TRIM65: variants seen among roughly 807,000 people sequenced by gnomAD.
TRIM65 encodes the protein E3 ubiquitin-protein ligase TRIM65.
A neutral mutation model predicts 36.1 loss-of-function variants in TRIM65; 46 were observed. The ratio of observed to expected loss-of-function variants is 1.27; its 90% CI spans 1.01 to 1.63. TRIM65 has a LOEUF of 1.63. TRIM65 is among the 40% of genes most tolerant of loss of function. The probability of loss-of-function intolerance (pLI) is 0.00; values close to 1 mark genes in which losing one functional copy is unlikely to be tolerated. For missense variants in TRIM65, 708 were observed against 696.6 expected, an observed-to-expected ratio of 1.02 and a Z score of -0.18; for synonymous variants, 346 against 313.6, an observed-to-expected ratio of 1.10 and a Z score of -1.09.
At position 75,892,074 on chromosome 17, in the gene TRIM65, G is replaced by A; in HGVS notation, c.856C>T (p.Leu286Phe). ...GGGTGGCTCCCCTCTTCCAAGAGGA[G>A]GCCACACAGCCGGCTTAGCAACTGC... ...LKQLLSRLCG[L>F]LLEEGSHPGA... Residue 286 changes from leucine to phenylalanine, a missense_variant, in exon 4 of 6, where the codon CTC becomes TTC. Transcript: ENST00000269383. 6.4e-7 allele frequency: 1 copy of A among 1,552,134 alleles called. No homozygotes were observed. The highest frequency in any genetic ancestry group is 8.7e-7 in the Non-Finnish European group (1 of 1,147,270).
At position 75,896,563 on chromosome 17, in the gene TRIM65, G is replaced by A. The variant is rs1427410511; in HGVS notation, c.375C>T (p.His125=). 7.3e-7 allele frequency: 1 copy of A among 1,361,290 alleles called. No individual in the cohort carries two copies. Among genetic ancestry groups the A allele is most frequent in the East Asian group, 3.1e-5 (1 of 32,366 alleles). 84.3% of individuals were successfully genotyped at this position (1,361,290 alleles called of 1,614,324 possible). A position where few individuals can be genotyped will look rare whatever the true frequency, so the allele number is the denominator to read the frequency against. Residue 125 remains histidine (H), a synonymous_variant, in exon 1 of 6, where the codon CAC becomes CAT. Transcript: ENST00000269383. Reference sequence around the variant, plus strand: ...GCTCGGCATCCAGCAGCGCCCGCTCGTGGAGGCGACACTCGCGCACGGTGC... The same window carrying A: ...GCTCGGCATCCAGCAGCGCCCGCTCATGGAGGCGACACTCGCGCACGGTGC... ...SVCTVRECRL[H]ERALLDAERL... is the part of the protein sequence containing the mutation.
chr17:75,884,894 G>T (rs534038951), downstream of TRIM65, among the ~76,000 whole-genome samples: 1 of 151,442 alleles, frequency 6.6e-6, no homozygotes, highest in African/African-American at 2.4e-5. Flanking sequence ...GCCTCCCAAA[G>T]TGTTGGGATT....
intron 1 of TRIM65, among the ~76,000 whole-genome samples, chr17:75,893,205 G>A (rs558393147): frequency 3.9e-5 from 6 of 152,334 alleles, no homozygotes; most frequent in South Asian, 2.1e-4. Context: ...ACAGGAAAGC[G>A]ATAATGCTGG....
Position 75,896,683 on chromosome 17 carries a change from G to T in TRIM65, c.255C>A (p.Pro85=). 7.7e-7 allele frequency: 1 copy of T among 1,293,404 alleles called. No individual in the cohort carries two copies. Among genetic ancestry groups the T allele is most frequent in the Non-Finnish European group, 9.7e-7 (1 of 1,026,838 alleles). 80.1% of individuals were successfully genotyped at this position (1,293,404 alleles called of 1,614,324 possible). The change falls in exon 1 of 6, where the codon CCC becomes CCA. Residue 85 remains proline (P), a synonymous_variant. Coordinates refer to ENST00000269383, the MANE Select transcript of TRIM65 (RefSeq NM_173547.4). Reference sequence around the variant, plus strand: ...GCGCGGCAGGGTCGGGGCCGGGGCCGGGATCGGGGCCGGGATCCCGGGCGG... The same window carrying T: ...GCGCGGCAGGGTCGGGGCCGGGGCCTGGATCGGGGCCGGGATCCCGGGCGG... ...AGPARDPGPD[P]GPGPDPAARC...
intron 1 of TRIM65, among the ~76,000 whole-genome samples, chr17:75,893,737 C>T (rs2092187414): frequency 6.6e-6 from 1 of 152,136 alleles, no homozygotes; most frequent in Admixed American, 6.5e-5. Flanking sequence ...CACACAGGAA[C>T]ACAGGAGGCC....
At chr17:75,884,533 G>A (rs1256823363), downstream of TRIM65, among the ~76,000 whole-genome samples, 1 of 152,164 alleles carries the variant, frequency 6.6e-6, no homozygotes, top group Non-Finnish European at 1.5e-5. Context: ...ACTCCCCATG[G>A]ACAACCAATC....
chr17:75,890,645 C>T lies in TRIM65; in HGVS notation c.*134G>A. The stretch of plus-strand genomic sequence containing the variant: ...TGAACTCTGCGTTTATGCTCACCTC[C>T]CCCAACCTCCCATCTCTTTCTGAGT... On this transcript the variant is annotated 3_prime_UTR_variant, in exon 6 of 6. Coordinates refer to ENST00000269383, the MANE Select transcript of TRIM65 (RefSeq NM_173547.4). 2 of 745,314 alleles carry T rather than the reference C, an allele frequency of 2.7e-6. No individual in the cohort carries two copies. The highest frequency in any genetic ancestry group is 4.1e-6 in the Non-Finnish European group (2 of 487,662). The allele number at this position is 745,314 out of a possible 1,614,324, so 46.2% of individuals were successfully genotyped here. A position where few individuals can be genotyped will look rare whatever the true frequency, so the allele number is the denominator to read the frequency against.
At chr17:75,884,156 G>T (rs989758509), downstream of TRIM65, among the ~76,000 whole-genome samples, 1 of 151,276 alleles carries the variant, frequency 6.6e-6, no homozygotes, top group African/African-American at 2.4e-5. Flanking sequence ...TAAATAAATA[G>T]ATAGATAGTA....
chr17:75,892,299 G>A lies in TRIM65; in HGVS notation c.712C>T (p.Leu238=). 1 of 1,612,582 alleles carries A rather than the reference G, an allele frequency of 6.2e-7. No homozygotes were observed. Among genetic ancestry groups the A allele is most frequent in the Non-Finnish European group, 8.5e-7 (1 of 1,179,826 alleles). Residue 238 remains leucine (L), a synonymous_variant, in exon 3 of 6, where the codon CTG becomes TTG. Transcript: ENST00000269383. ...ARHGCRIREL[L]EQVDEQTFLQ... is the part of the protein sequence containing the mutation. ...AAGGTCTGCTCATCCACCTGCTCCA[G>A]GAGCTCCCGGATCCTGCAGCCATGG...
Position 75,896,838 on chromosome 17 carries a change from C to A in TRIM65, c.100G>T (p.Ala34Ser). The A allele has an allele frequency of 6.5e-7, 1 of 1,527,280 alleles. No homozygotes were observed. The highest frequency in any genetic ancestry group is 1.2e-5 in the South Asian group (1 of 82,360). 94.6% of individuals were successfully genotyped at this position (1,527,280 alleles called of 1,614,324 possible). ...CGGTCCCACCAGTCCCGGATGCAGG[C>A]CCCGCAGAAGTTGTGGCCGCAGGGC... ...TLPCGHNFCG[A>S]CIRDWWDRCG... Residue 34 changes from alanine (A) to serine (S), a missense_variant, in exon 1 of 6, where the codon GCC (alanine) becomes TCC (serine). Physicochemically the swap from Ala to Ser is moderately conservative, Grantham distance 99 (BLOSUM62 1). Coordinates refer to ENST00000269383, the MANE Select transcript of TRIM65 (RefSeq NM_173547.4).
At chr17:75,880,984 G>T (rs1033827478) in intron 4 of TRIM65, among the ~76,000 whole-genome samples, 1 of 150,324 alleles carries the variant, frequency 6.7e-6, no homozygotes, top group East Asian at 1.9e-4. Context: ...GGTGGCTCAC[G>T]CCTGGAATCC....
At position 75,890,755 on chromosome 17, in the gene TRIM65, C is replaced by A. The variant is rs76511039; in HGVS notation, c.*24G>T. ...GCACATAGGCATGGTGGCAGCTATG[C>A]CAGGGCTCCATCCCATGCCTTCTTC... On this transcript the variant is annotated 3_prime_UTR_variant, in exon 6 of 6. Coordinates refer to ENST00000269383, the MANE Select transcript of TRIM65 (RefSeq NM_173547.4). The A allele has an allele frequency of 2.0e-4, 281 of 1,438,332 alleles. 1 individual carries two copies. In the African/African-American group the frequency reaches 3.9e-3, roughly 20 times the overall value. 89.1% of individuals were successfully genotyped at this position (1,438,332 alleles called of 1,614,324 possible). A position where few individuals can be genotyped will look rare whatever the true frequency, so the allele number is the denominator to read the frequency against.
rs2065234830 is a variant in TRIM65 at position 75,889,185 on chromosome 17, A to G, written c.*1594T>C. ...ATTCTTCTGCCTCAGCCTCCCCAGT[A>G]GCTGGGATTACAGGCGCACACCACC... On this transcript the variant is annotated 3_prime_UTR_variant, in exon 6 of 6. Coordinates refer to ENST00000269383, the MANE Select transcript of TRIM65 (RefSeq NM_173547.4). 6.6e-6 allele frequency: 1 copy of G among 150,542 alleles called. No individual in the cohort carries two copies. Among genetic ancestry groups the G allele is most frequent in the African/African-American group, 2.5e-5 (1 of 40,130 alleles). 9.3% of individuals were successfully genotyped at this position (150,542 alleles called of 1,614,324 possible). A position where few individuals can be genotyped will look rare whatever the true frequency, so the allele number is the denominator to read the frequency against.
Position 75,892,253 on chromosome 17 carries a change from C to T in TRIM65, c.744+14G>A. On this transcript the variant is annotated intron_variant, in intron 3 of 5. Transcript: ENST00000269383. ...GGGAAGCAAGTCCGCCACCTATGCC[C>T]TGAGCCCTCGCACCTGCAGGAAGGT... is the stretch of plus-strand genomic sequence containing the variant. 1 of 1,606,620 alleles carries T rather than the reference C, an allele frequency of 6.2e-7. No individual in the cohort carries two copies. Among genetic ancestry groups the T allele is most frequent in the Non-Finnish European group, 8.5e-7 (1 of 1,176,454 alleles).
chr17:75,892,120 G>C lies in TRIM65; in HGVS notation c.810C>G (p.Asp270Glu). The C allele has an allele frequency of 6.4e-7, 1 of 1,562,382 alleles. No individual in the cohort carries two copies. The highest frequency in any genetic ancestry group is 8.7e-7 in the Non-Finnish European group (1 of 1,152,950). The change falls in exon 4 of 6, where the codon GAC becomes GAG. Residue 270 changes from aspartate to glutamate, a missense_variant. Transcript: ENST00000269383. ...ACTGCTTCAGGTCACCCAGCTGTTG[G>C]TCTTCATCCCACTGCAGAGGGGTCA... ...GPLTPLQWDEDQQLGDLKQLL... is the reference protein window; with the variant it reads ...GPLTPLQWDEEQQLGDLKQLL...
intron 1 of TRIM65, 106 bp downstream of exon 1, chr17:75,896,418 C>T (rs967825743): frequency 8.2e-7 from 1 of 1,220,248 alleles, no homozygotes; most frequent in Non-Finnish European, 1.0e-6. Context: ...AGGCTCCCCG[C>T]CCCCGCCGGG....
chr17:75,892,191 C>A lies in TRIM65; in HGVS notation c.745-6G>T. ...GGCTGGAGGAGCTGCGATTCCTGAG[C>A]CCCAGGGAGAACAAGTAAGCCTGGG... is the stretch of plus-strand genomic sequence containing the variant. On this transcript the variant is annotated splice_polypyrimidine_tract_variant and splice_region_variant and intron_variant, in intron 3 of 5. Coordinates refer to ENST00000269383, the MANE Select transcript of TRIM65 (RefSeq NM_173547.4). The A allele has an allele frequency of 6.4e-7, 1 of 1,574,118 alleles. No individual in the cohort carries two copies. Among genetic ancestry groups the A allele is most frequent in the Non-Finnish European group, 8.6e-7 (1 of 1,159,518 alleles).
chr17:75,894,358 G>A (rs2065315767), intron 1 of TRIM65, among the ~76,000 whole-genome samples: 1 of 152,176 alleles, frequency 6.6e-6, no homozygotes, highest in African/African-American at 2.4e-5. Context: ...TTTGTCAAGG[G>A]CACGGACCAC....
downstream of TRIM65, among the ~76,000 whole-genome samples, chr17:75,886,684 C>T (rs1180461124): frequency 2.0e-5 from 3 of 152,106 alleles, no homozygotes; most frequent in African/African-American, 7.2e-5. Flanking sequence ...CTTTCACAAC[C>T]TCTCCTGCCC....
Sources: allele counts gnomAD v4.1 joint callset (sites outside exome capture counted in the v4.1 genomes callset), GRCh38; gene constraint gnomAD v4.1.1; transcripts MANE v1.5; gene names NCBI Gene and HGNC (gene_info 2026-07-23, HGNC 2026-07-21).